Variants in SCCPDH observed in about 807,000 individuals in gnomAD.
The protein encoded by SCCPDH is saccharopine dehydrogenase-like oxidoreductase.
SCCPDH carries 34 observed loss-of-function variants against 51.5 expected under a neutral mutation model. The observed-to-expected ratio is 0.66, with a 90% CI of 0.50 to 0.88. SCCPDH has a LOEUF of 0.88. SCCPDH is among the 40% of genes least tolerant of loss of function. The pLI is 0.00. For missense variants in SCCPDH, 464 were observed against 527.1 expected (o/e 0.88, Z 1.17); for synonymous variants, 187 against 191.3 (o/e 0.98, Z 0.19).
intron 9 of SCCPDH, among the ~76,000 whole-genome samples, chr1:246,761,494 A>G (rs7549965): frequency 0.45 from 67,920 of 152,032 alleles, 15,341 homozygotes; most frequent in Admixed American, 0.5. Flanking sequence ...ACCACCATCC[A>G]TGTCCAGAAC....
At chr1:246,730,649 C>T (rs1668479072) in intron 2 of SCCPDH, among the ~76,000 whole-genome samples, 2 of 152,226 alleles carry the variant, frequency 1.3e-5, no homozygotes, top group African/African-American at 4.8e-5. Context: ...AACGGAACGT[C>T]ATGTTTTTGT....
chr1:246,752,880 A>G (rs1012906327), intron 5 of SCCPDH, among the ~76,000 whole-genome samples: 2 of 151,976 alleles, frequency 1.3e-5, no homozygotes, highest in African/African-American at 4.8e-5. Context: ...TCTTTTTCCC[A>G]TTTGGGACAT....
chr1:246,760,662 TG>T lies in SCCPDH; in HGVS notation c.990+436del, dbSNP rs370395218. On this transcript the variant is annotated intron_variant, in intron 9 of 11. Coordinates refer to ENST00000366510, the MANE Select transcript of SCCPDH (RefSeq NM_016002.3). ...ACGGGGGATCAAGTGAATTTCTGTG[TG>T]TCCAGCATCCCCAACAATAGGACTG... Among the ~76,000 whole-genome samples, 3 of 152,316 alleles carry T rather than the reference TG, an allele frequency of 2.0e-5. No homozygotes were observed. In the East Asian group the frequency reaches 5.8e-4, roughly 29 times the overall value.
intron 2 of SCCPDH, among the ~76,000 whole-genome samples, chr1:246,730,619 C>T (rs1488615606): frequency 6.6e-6 from 1 of 152,216 alleles, no homozygotes; most frequent in African/African-American, 2.4e-5. Context: ...GTCTCGTAGT[C>T]AGTCCATATA....
chr1:246,738,327 A>G (rs930443235), intron 3 of SCCPDH, among the ~76,000 whole-genome samples: 26 of 152,060 alleles, frequency 1.7e-4, no homozygotes, highest in African/African-American at 6.3e-4. Context: ...CTTGGCCAAC[A>G]TGGTGAAACC....
intron 2 of SCCPDH, among the ~76,000 whole-genome samples, chr1:246,733,421 C>A (rs940158383): frequency 7.3e-5 from 11 of 150,140 alleles, no homozygotes; most frequent in Non-Finnish European, 1.6e-4. Context: ...TATATATAGT[C>A]CTTATATGTA....
At chr1:246,761,865 T>C (rs930174756) in intron 9 of SCCPDH, among the ~76,000 whole-genome samples, 1 of 152,256 alleles carries the variant, frequency 6.6e-6, no homozygotes, top group Non-Finnish European at 1.5e-5. Context: ...GGTGTACAGA[T>C]ACCTCTTCAA....
intron 9 of SCCPDH, among the ~76,000 whole-genome samples, chr1:246,761,725 G>T (rs1199673682): frequency 6.6e-6 from 1 of 152,166 alleles, no homozygotes; most frequent in African/African-American, 2.4e-5. Flanking sequence ...GCATGTGTTC[G>T]AATTTCTTTA....
Position 246,764,124 on chromosome 1 carries a change from C to A in SCCPDH, c.991-122C>A, listed in dbSNP as rs1279685892. 1.5e-5 allele frequency: 9 copies of A among 585,244 alleles called. No individual in the cohort carries two copies. The East Asian group carries it at 1.7e-4, about 11-fold the overall frequency. 36.3% of individuals were successfully genotyped at this position (585,244 alleles called of 1,614,324 possible). On this transcript the variant is annotated intron_variant, in intron 9 of 11. Coordinates refer to ENST00000366510, the MANE Select transcript of SCCPDH (RefSeq NM_016002.3). ...CTTAAATGATGACGGGATATTCTGG[C>A]AGATAAAATAATGTTTTCATCTATT...
intron 2 of SCCPDH, among the ~76,000 whole-genome samples, chr1:246,727,717 A>T (rs1223352839): frequency 6.6e-6 from 1 of 152,158 alleles, no homozygotes; most frequent in Non-Finnish European, 1.5e-5. Flanking sequence ...TTGAGGAGAG[A>T]CTTTTCCAGG....
chr1:246,724,501 G>T lies in SCCPDH; in HGVS notation c.79G>T (p.Val27Leu). Residue 27 changes from valine to leucine, a missense_variant, in exon 1 of 12, where the codon GTG (valine) becomes TTG (leucine). By Grantham distance (32) the Val-to-Leu change is conservative. Coordinates refer to ENST00000366510, the MANE Select transcript of SCCPDH (RefSeq NM_016002.3). Reference protein sequence around the residue: ...GFTGQFVTEEVAREQVDPERS... With the variant: ...GFTGQFVTEELAREQVDPERS... Reference sequence around the variant, plus strand: ...CACCGGCCAGTTCGTGACCGAGGAGGTGGCCCGGGAGCAGGTGGACCCGGA... The same window carrying T: ...CACCGGCCAGTTCGTGACCGAGGAGTTGGCCCGGGAGCAGGTGGACCCGGA... 6.3e-7 allele frequency: 1 copy of T among 1,578,146 alleles called. No homozygotes were observed.
intron 9 of SCCPDH, among the ~76,000 whole-genome samples, chr1:246,762,089 T>C (rs1669025000): frequency 6.6e-6 from 1 of 152,240 alleles, no homozygotes; most frequent in Non-Finnish European, 1.5e-5. Flanking sequence ...TGGTGTCTCA[T>C]TGTATTTTTG....
At chr1:246,739,172 A>G (rs1416032984) in intron 3 of SCCPDH, among the ~76,000 whole-genome samples, 1 of 152,032 alleles carries the variant, frequency 6.6e-6, no homozygotes, top group Non-Finnish European at 1.5e-5. Context: ...TGGGAGAGGG[A>G]GCATAAATTG....
At chr1:246,763,790 A>C (rs556934612) in intron 9 of SCCPDH, among the ~76,000 whole-genome samples, 2 of 152,274 alleles carry the variant, frequency 1.3e-5, no homozygotes, top group East Asian at 3.9e-4. Context: ...CCTCATTCCT[A>C]AATTTAGTGA....
Position 246,724,471 on chromosome 1 carries a change from G to C in SCCPDH, c.49G>C (p.Gly17Arg). The change falls in exon 1 of 12, where the codon GGC (glycine) becomes CGC (arginine). Residue 17 changes from glycine (G) to arginine (R), a missense_variant. By Grantham distance (125) the Gly-to-Arg change is moderately radical (BLOSUM62 -2). Transcript: ENST00000366510. ...CCACCTGGTGGTGTTCGGCGCGTCT[G>C]GCTTCACCGGCCAGTTCGTGACCGA... ...PFHLVVFGAS[G>R]FTGQFVTEEV... is the part of the protein sequence containing the mutation. 6.3e-7 allele frequency: 1 copy of C among 1,591,094 alleles called. No homozygotes were observed. The highest frequency in any genetic ancestry group is 1.7e-5 in the Admixed American group (1 of 57,424).
chr1:246,760,214 C>A lies in SCCPDH; in HGVS notation c.977C>A (p.Pro326Gln). The A allele has an allele frequency of 6.2e-7, 1 of 1,608,204 alleles. No individual in the cohort carries two copies. Among genetic ancestry groups the A allele is most frequent in the Non-Finnish European group, 8.5e-7 (1 of 1,178,242 alleles). ...TTTGGCTATTTTTCAAAACAAGGCC[C>A]AACACAAAAACAGGTAATTTCTTTT... The part of the protein sequence containing the change: ...FSFGYFSKQG[P>Q]TQKQIDAASF... The change falls in exon 9 of 12, where the codon CCA becomes CAA. Residue 326 changes from proline (P) to glutamine (Q), a missense_variant. By Grantham distance (76) the Pro-to-Gln change is moderately conservative (BLOSUM62 -1). Coordinates refer to ENST00000366510, the MANE Select transcript of SCCPDH (RefSeq NM_016002.3).
chr1:246,766,133 C>A lies in SCCPDH; in HGVS notation c.1178C>A (p.Pro393His). 2 of 1,608,656 alleles carry A rather than the reference C, an allele frequency of 1.2e-6. No homozygotes were observed. The highest frequency in any genetic ancestry group is 1.7e-6 in the Non-Finnish European group (2 of 1,175,966). The change falls in exon 11 of 12, where the codon CCT becomes CAT. Residue 393 changes from proline to histidine, a missense_variant. By Grantham distance (77) the Pro-to-His change is moderately conservative. Coordinates refer to ENST00000366510, the MANE Select transcript of SCCPDH (RefSeq NM_016002.3). Reference sequence around the variant, plus strand: ...CTTCTAAGTGATGCTTCTCATCTGCCTAAGGCGTAAGTTTGGTTTTCTTCC... The same window carrying A: ...CTTCTAAGTGATGCTTCTCATCTGCATAAGGCGTAAGTTTGGTTTTCTTCC... ...MTLLSDASHL[P>H]KAGGVFTPGA...
intron 11 of SCCPDH, among the ~76,000 whole-genome samples, chr1:246,766,868 TC>T (rs564506534): frequency 1.3e-4 from 19 of 151,992 alleles, no homozygotes; most frequent in Non-Finnish European, 2.1e-4. Context: ...CTTTCTTTAA[TC>T]CCCCTAAGTC....
intron 1 of SCCPDH, among the ~76,000 whole-genome samples, chr1:246,725,891 T>C (rs912977034): frequency 1.3e-5 from 2 of 152,244 alleles, no homozygotes; most frequent in African/African-American, 2.4e-5. Context: ...TATTTTCTTA[T>C]GAGCCTGTGT....
Sources: gnomAD v4.1 joint callset for allele counts (sites outside exome capture counted in the v4.1 genomes callset) on GRCh38, gnomAD v4.1.1 for gene constraint, MANE v1.5 for transcripts, NCBI Gene and HGNC (gene_info 2026-07-23, HGNC 2026-07-21) for gene names.